Variants in LSM10 observed in about 807,000 individuals in gnomAD.
The protein encoded by LSM10 is U7 snRNA-associated Sm-like protein LSm10.
In LSM10, 4 loss-of-function variants were observed where a neutral mutation model predicts 5.2. That is an observed-to-expected ratio of 0.77 (90% CI 0.38 to 1.77). LSM10 has a LOEUF of 1.77. LSM10 is among the 40% of genes most tolerant of loss of function. LSM10 has a pLI of 0.04. For missense variants in LSM10, 150 were observed against 171.6 expected (o/e 0.87, Z 0.70); for synonymous variants, 63 against 67.4 (o/e 0.94, Z 0.32).
rs201962650 is a variant in LSM10 at position 36,393,882 on chromosome 1, T to C, written c.248A>G (p.His83Arg). Residue 83 changes from histidine (H) to arginine (R), a missense_variant, in exon 2 of 2, where the codon CAC (histidine) becomes CGC (arginine). By Grantham distance (29) the His-to-Arg change is conservative. Coordinates refer to ENST00000315732, the MANE Select transcript of LSM10 (RefSeq NM_032881.3). ...FVTGRNVRYV[H>R]IPDDVNITST... ...GGTGATGTTCACGTCATCTGGGATG[T>C]GGACGTAGCGGACATTGCGGCCTGT... 439 of 1,614,158 alleles carry C rather than the reference T, an allele frequency of 2.7e-4. No individual in the cohort carries two copies. Among genetic ancestry groups the C allele is most frequent in the Non-Finnish European group, 3.5e-4 (411 of 1,180,064 alleles).
chr1:36,397,127 T>C (rs1008892139), intron 1 of LSM10, among the ~76,000 whole-genome samples: 7 of 152,194 alleles, frequency 4.6e-5, no homozygotes, highest in African/African-American at 1.7e-4. Flanking sequence ...TCTGAACCTG[T>C]TTCCACATTT....
At position 36,393,562 on chromosome 1, in the gene LSM10, T is replaced by C. The variant is rs7170; in HGVS notation, c.*196A>G. 0.021 allele frequency: 14,571 copies of C among 679,646 alleles called. 204 individuals are homozygous for C. Among genetic ancestry groups the C allele is most frequent in the Non-Finnish European group, 0.029 (11,680 of 400,676 alleles). 42.1% of individuals were successfully genotyped at this position (679,646 alleles called of 1,614,324 possible). A position where few individuals can be genotyped will look rare whatever the true frequency, so the allele number is the denominator to read the frequency against. On this transcript the variant is annotated 3_prime_UTR_variant, in exon 2 of 2. Transcript: ENST00000315732. ...TTGTCACCTACCCCAAGGCCACATATAGGATTCTGGGTCCCAGAGTGAGTC... is the reference window on the plus strand; with the variant it reads ...TTGTCACCTACCCCAAGGCCACATACAGGATTCTGGGTCCCAGAGTGAGTC...
chr1:36,396,915 C>A (rs1169868896), intron 1 of LSM10, among the ~76,000 whole-genome samples: 2 of 151,710 alleles, frequency 1.3e-5, no homozygotes, highest in Non-Finnish European at 2.9e-5. Context: ...TTACAGTGAG[C>A]CAAGATTGTG....
At chr1:36,396,418 C>G (rs972004171) in intron 1 of LSM10, among the ~76,000 whole-genome samples, 2 of 152,108 alleles carry the variant, frequency 1.3e-5, no homozygotes, top group African/African-American at 4.8e-5. Flanking sequence ...TGACCCCCTA[C>G]GTGAATTAGA....
At position 36,393,767 on chromosome 1, in the gene LSM10, G is replaced by A. The variant is rs917580962; in HGVS notation, c.363C>T (p.Asn121=). Residue 121 remains asparagine, a synonymous_variant, in exon 2 of 2, where the codon AAC becomes AAT. Coordinates refer to ENST00000315732, the MANE Select transcript of LSM10 (RefSeq NM_032881.3). Reference sequence around the variant, plus strand: ...GGGCTTGCTGAGGGCCTCACTTACAGTTTTTTGGGGGAAATTCCCACCGGC... The same window carrying A: ...GGGCTTGCTGAGGGCCTCACTTACAATTTTTTGGGGGAAATTCCCACCGGC... ...GQGRWEFPPK[N]CK is the part of the protein sequence containing the mutation. 1 of 1,613,830 alleles carries A rather than the reference G, an allele frequency of 6.2e-7. No individual in the cohort carries two copies. Among genetic ancestry groups the A allele is most frequent in the African/African-American group, 1.3e-5 (1 of 74,924 alleles).
Position 36,393,898 on chromosome 1 carries a change from T to G in LSM10, c.232A>C (p.Asn78His). ...KLDDLFVTGR[N>H]VRYVHIPDDV... ...TCTGGGATGTGGACGTAGCGGACATTGCGGCCTGTCACAAAGAGGTCATCC... is the reference window on the plus strand; with the variant it reads ...TCTGGGATGTGGACGTAGCGGACATGGCGGCCTGTCACAAAGAGGTCATCC... The change falls in exon 2 of 2, where the codon AAT becomes CAT. Residue 78 changes from asparagine to histidine, a missense_variant. Asn to His is a moderately conservative substitution (Grantham distance 68). Transcript: ENST00000315732. 1 of 1,614,236 alleles carries G rather than the reference T, an allele frequency of 6.2e-7. No individual in the cohort carries two copies. Among genetic ancestry groups the G allele is most frequent in the Non-Finnish European group, 8.5e-7 (1 of 1,180,046 alleles).
chr1:36,393,953 G>C lies in LSM10; in HGVS notation c.177C>G (p.Tyr59Ter), dbSNP rs1239243705. The stretch of plus-strand genomic sequence containing the variant: ...TGACCTGATGCCCCCAACGGTCCGT[G>C]TAGGTGACTTTGGCCAGGCGGATGT... Reference protein sequence around the residue: ...FMNIRLAKVTYTDRWGHQVKL... With the variant: ...FMNIRLAKVT The change falls in exon 2 of 2, where the codon TAC becomes TAG. Residue 59 changes from tyrosine (Y) to a stop codon, truncating the protein, a stop_gained. Transcript: ENST00000315732. LOFTEE classifies it high-confidence loss of function. 1 of 1,614,258 alleles carries C rather than the reference G, an allele frequency of 6.2e-7. No homozygotes were observed. Among genetic ancestry groups the C allele is most frequent in the South Asian group, 1.1e-5 (1 of 91,084 alleles).
Position 36,393,447 on chromosome 1 carries a change from A to G in LSM10, c.*311T>C, listed in dbSNP as rs762259243. The G allele has an allele frequency of 5.0e-6, 2 of 401,050 alleles. No homozygotes were observed. The highest frequency in any genetic ancestry group is 9.3e-6 in the Non-Finnish European group (2 of 215,238). The allele number at this position is 401,050 out of a possible 1,614,324, so 24.8% of individuals were successfully genotyped here. On this transcript the variant is annotated 3_prime_UTR_variant, in exon 2 of 2. Coordinates refer to ENST00000315732, the MANE Select transcript of LSM10 (RefSeq NM_032881.3). ...CACTTAGAGGTGGCTCAGGCTGAGC[A>G]TGTTTAATTATCCTCACTGGGAGAG... is the stretch of plus-strand genomic sequence containing the variant.
At chr1:36,396,954 C>A (rs1466942646) in intron 1 of LSM10, among the ~76,000 whole-genome samples, 1 of 148,216 alleles carries the variant, frequency 6.7e-6, no homozygotes. Flanking sequence ...GGTGACACAG[C>A]GAGACTCTCA....
rs766500370 is a variant in LSM10 at position 36,393,810 on chromosome 1, A to C, written c.320T>G (p.Phe107Cys). 1.2e-6 allele frequency: 2 copies of C among 1,614,210 alleles called. No homozygotes were observed. Among genetic ancestry groups the C allele is most frequent in the Non-Finnish European group, 1.7e-6 (2 of 1,180,042 alleles). Residue 107 changes from phenylalanine to cysteine, a missense_variant, in exon 2 of 2, where the codon TTT becomes TGT. By Grantham distance (205) the Phe-to-Cys change is radical (BLOSUM62 -2). Transcript: ENST00000315732. The stretch of plus-strand genomic sequence containing the variant: ...CCACCGGCCTTGGCCCTTGCCACCA[A>C]AGTTTCGCACCCGATGGATAATCTG... ...QLQIIHRVRN[F>C]GGKGQGRWEF...
chr1:36,393,966 G>T lies in LSM10; in HGVS notation c.164C>A (p.Ala55Asp). The T allele has an allele frequency of 6.2e-7, 1 of 1,614,254 alleles. No homozygotes were observed. ...CCAACGGTCCGTGTAGGTGACTTTGGCCAGGCGGATGTTCATGAAAGCATC... is the reference window on the plus strand; with the variant it reads ...CCAACGGTCCGTGTAGGTGACTTTGTCCAGGCGGATGTTCATGAAAGCATC... ...NVDAFMNIRL[A>D]KVTYTDRWGH... The change falls in exon 2 of 2, where the codon GCC becomes GAC. Residue 55 changes from alanine (A) to aspartate (D), a missense_variant. Physicochemically the swap from Ala to Asp is moderately radical, Grantham distance 126. Transcript: ENST00000315732.
intron 1 of LSM10, among the ~76,000 whole-genome samples, chr1:36,395,122 A>G (rs1419898862): frequency 1.3e-5 from 2 of 152,128 alleles, no homozygotes; most frequent in African/African-American, 4.8e-5. Context: ...AATAAAGAAA[A>G]TGGTGAGCAT....
At position 36,393,887 on chromosome 1, in the gene LSM10, G is replaced by A. The variant is rs768131034; in HGVS notation, c.243C>T (p.Tyr81=). Residue 81 remains tyrosine (Y), a synonymous_variant, in exon 2 of 2, where the codon TAC becomes TAT. Coordinates refer to ENST00000315732, the MANE Select transcript of LSM10 (RefSeq NM_032881.3). ...TGTTCACGTCATCTGGGATGTGGAC[G>A]TAGCGGACATTGCGGCCTGTCACAA... ...DLFVTGRNVR[Y]VHIPDDVNIT... The A allele has an allele frequency of 6.2e-6, 10 of 1,614,142 alleles. No individual in the cohort carries two copies. Among genetic ancestry groups the A allele is most frequent in the South Asian group, 2.2e-5 (2 of 91,092 alleles).
chr1:36,394,545 G>A (rs1177330989), intron 1 of LSM10, among the ~76,000 whole-genome samples: 6 of 152,124 alleles, frequency 3.9e-5, no homozygotes, highest in Admixed American at 6.5e-5. Context: ...GGTGGCTCAC[G>A]CCTGTAATCC....
chr1:36,396,411 C>T (rs953234012), intron 1 of LSM10, among the ~76,000 whole-genome samples: 1 of 152,118 alleles, frequency 6.6e-6, no homozygotes, highest in Admixed American at 6.6e-5. Context: ...TTTAACATGA[C>T]CCCCTACGTG....
At chr1:36,396,977 G>C (rs2124762581) in intron 1 of LSM10, among the ~76,000 whole-genome samples, 1 of 146,562 alleles carries the variant, frequency 6.8e-6, no homozygotes, top group East Asian at 2.0e-4. Context: ...AAAAAAAAAA[G>C]AAAATAAATC....
chr1:36,395,862 C>A (rs1647154368), intron 1 of LSM10, among the ~76,000 whole-genome samples: 1 of 151,920 alleles, frequency 6.6e-6, no homozygotes, highest in African/African-American at 2.4e-5. Context: ...AGTTTTTAAC[C>A]CAACCTCCCC....
At chr1:36,395,703 G>A (rs1195340322) in intron 1 of LSM10, among the ~76,000 whole-genome samples, 4 of 151,826 alleles carry the variant, frequency 2.6e-5, no homozygotes, top group Non-Finnish European at 5.9e-5. Flanking sequence ...GCTTGAATCC[G>A]GGAGGTGGAG....
chr1:36,395,775 C>A (rs79603857), intron 1 of LSM10, among the ~76,000 whole-genome samples: 181 of 128,728 alleles, frequency 1.4e-3, no homozygotes, highest in Middle Eastern at 4.1e-3. Context: ...GACTCTGTCT[C>A]AAAAAAAAAA....
Sources: gnomAD v4.1 joint callset for allele counts (sites outside exome capture counted in the v4.1 genomes callset) on GRCh38, gnomAD v4.1.1 for gene constraint, MANE v1.5 for transcripts, NCBI Gene and HGNC (gene_info 2026-07-23, HGNC 2026-07-21) for gene names.